TNIK: variants seen among roughly 807,000 people sequenced by gnomAD.
The protein encoded by TNIK is TRAF2 and NCK interacting kinase.
TNIK carries 49 observed loss-of-function variants against 191.3 expected under a neutral mutation model. That is an observed-to-expected ratio of 0.26 (90% CI 0.20 to 0.32). The LOEUF is 0.32. TNIK is among the 10% of genes least tolerant of loss of function. The pLI is 1.00. For missense variants in TNIK, 1,155 were observed against 1,702.3 expected, an observed-to-expected ratio of 0.68 and a Z score of 5.66; for synonymous variants, 594 against 600.9, an observed-to-expected ratio of 0.99 and a Z score of 0.17.
intron 1 of TNIK, among the ~76,000 whole-genome samples, chr3:171,389,439 A>G (rs1719171508): frequency 1.3e-5 from 2 of 152,200 alleles, no homozygotes; most frequent in Non-Finnish European, 2.9e-5. Flanking sequence ...TGTACTGTAC[A>G]CTAAAGATCT....
At chr3:171,345,382 T>C (rs1159365108) in intron 2 of TNIK, among the ~76,000 whole-genome samples, 1 of 152,120 alleles carries the variant, frequency 6.6e-6, no homozygotes, top group Admixed American at 6.6e-5. Flanking sequence ...GAGCAGGCAA[T>C]AGGCTGCCAC....
chr3:171,451,292 G>T, intron 1 of TNIK, among the ~76,000 whole-genome samples: 1 of 152,224 alleles, frequency 6.6e-6, no homozygotes, highest in Middle Eastern at 3.2e-3. Context: ...AGCCACCTAC[G>T]TGGGGAGGAA....
At chr3:171,198,775 G>T (rs188358495) in intron 4 of TNIK, among the ~76,000 whole-genome samples, 15 of 152,238 alleles carry the variant, frequency 9.9e-5, no homozygotes, top group African/African-American at 3.6e-4. Flanking sequence ...TAGCAAATCA[G>T]GGTTCAATGC....
chr3:171,332,304 T>C (rs941107804), intron 2 of TNIK, among the ~76,000 whole-genome samples: 3 of 152,252 alleles, frequency 2.0e-5, no homozygotes, highest in African/African-American at 7.2e-5. Context: ...TTAACTTGTT[T>C]ACTGTTTTTG....
chr3:171,107,908 C>G (rs1464805501), intron 20 of TNIK, 157 bp downstream of exon 20: 12 of 645,784 alleles, frequency 1.9e-5, no homozygotes, highest in Non-Finnish European at 3.0e-5. Context: ...TCGGTTCTTT[C>G]CTAATCAGGT....
chr3:171,373,399 C>T (rs1716796569), intron 1 of TNIK, among the ~76,000 whole-genome samples: 1 of 152,108 alleles, frequency 6.6e-6, no homozygotes, highest in Non-Finnish European at 1.5e-5. Flanking sequence ...AGTTTCCACC[C>T]TTGTCCACCA....
intron 1 of TNIK, among the ~76,000 whole-genome samples, chr3:171,376,742 TAGATGATAGATA>T (rs1717279953): frequency 6.9e-6 from 1 of 144,246 alleles, no homozygotes; most frequent in African/African-American, 2.5e-5. Context: ...GATAGATAGA[TAGATGATAGATA>T]GATAGATAGA....
intron 7 of TNIK, among the ~76,000 whole-genome samples, chr3:171,182,001 C>T (rs545144806): frequency 2.0e-5 from 3 of 152,184 alleles, no homozygotes; most frequent in South Asian, 4.1e-4. Flanking sequence ...TTATTTAGTA[C>T]ACATCACCTC....
At chr3:171,244,347 G>A (rs1745352015) in intron 2 of TNIK, among the ~76,000 whole-genome samples, 1 of 152,140 alleles carries the variant, frequency 6.6e-6, no homozygotes, top group Non-Finnish European at 1.5e-5. Context: ...TTACAGGCGT[G>A]AGCCACTGCG....
In TNIK at chr3:171,065,246, A is replaced by G. The variant is rs577724812; in HGVS notation, c.3999+941T>C. Among the ~76,000 whole-genome samples the G allele has an allele frequency of 5.3e-5, 8 of 152,290 alleles. No homozygotes were observed. The East Asian group carries it at 1.5e-3, about 29-fold the overall frequency. The stretch of plus-strand genomic sequence containing the variant: ...TATGTTTGTTTTCTGGGAAATCTAA[A>G]TGGCTGGAACCATCTTTGCCACCTG... On this transcript the variant is annotated intron_variant, in intron 32 of 32. Transcript: ENST00000436636.
chr3:171,278,982 T>C (rs371205836), intron 2 of TNIK, among the ~76,000 whole-genome samples: 1 of 152,234 alleles, frequency 6.6e-6, no homozygotes, highest in East Asian at 1.9e-4. Flanking sequence ...TGGAGCCTGT[T>C]GCATACCTCA....
chr3:171,224,456 T>TA (rs1306811462), intron 3 of TNIK, among the ~76,000 whole-genome samples: 1 of 151,596 alleles, frequency 6.6e-6, no homozygotes, highest in Non-Finnish European at 1.5e-5. Context: ...GGGGATTATT[T>TA]ACAGGGTTAT....
chr3:171,121,182 T>G (rs983055816), intron 18 of TNIK, among the ~76,000 whole-genome samples: 3 of 152,202 alleles, frequency 2.0e-5, no homozygotes, highest in Non-Finnish European at 4.4e-5. Flanking sequence ...TTGGAAGCAC[T>G]GTAAAGGACA....
chr3:171,127,365 TAAAAC>T (rs903925348), intron 16 of TNIK, among the ~76,000 whole-genome samples: 1 of 150,168 alleles, frequency 6.7e-6, no homozygotes, highest in Non-Finnish European at 1.5e-5. Flanking sequence ...ATAATAATAT[TAAAAC>T]AAAGCCCATT....
intron 3 of TNIK, among the ~76,000 whole-genome samples, chr3:171,226,732 A>C (rs1180246739): frequency 6.6e-6 from 1 of 152,164 alleles, no homozygotes; most frequent in African/African-American, 2.4e-5. Flanking sequence ...TACAGGAACA[A>C]AATATTTTAC....
intron 27 of TNIK, among the ~76,000 whole-genome samples, chr3:171,081,515 C>T (rs1008712345): frequency 1.3e-5 from 2 of 148,324 alleles, no homozygotes; most frequent in Non-Finnish European, 3.0e-5. Context: ...TCACATCTCC[C>T]TAGGTGATTA....
chr3:171,154,496 T>C (rs913592948), intron 12 of TNIK, among the ~76,000 whole-genome samples: 2 of 152,084 alleles, frequency 1.3e-5, no homozygotes, highest in Non-Finnish European at 2.9e-5. Context: ...AATGAAAGTA[T>C]AGAATGTGCT....
intron 5 of TNIK, 31 bp downstream of exon 5, chr3:171,194,494 G>A: frequency 6.3e-7 from 1 of 1,584,872 alleles, no homozygotes; most frequent in Non-Finnish European, 8.6e-7. Context: ...GAAGACTTTG[G>A]GAGGTGGGCC....
chr3:171,136,549 C>T (rs1023974547), intron 15 of TNIK, among the ~76,000 whole-genome samples: 6 of 152,132 alleles, frequency 3.9e-5, no homozygotes, highest in Non-Finnish European at 4.4e-5. Context: ...AGGACAAGCT[C>T]GTCCATCTTT....
Sources: gnomAD v4.1 joint callset for allele counts (sites outside exome capture counted in the v4.1 genomes callset) on GRCh38, gnomAD v4.1.1 for gene constraint, MANE v1.5 for transcripts, NCBI Gene and HGNC (gene_info 2026-07-23, HGNC 2026-07-21) for gene names.